Variants in IL4R observed in about 807,000 individuals in gnomAD.
IL4R encodes the protein interleukin 4 receptor, also known as interleukin-4 receptor subunit alpha.
IL4R carries 17 observed loss-of-function variants against 41.5 expected under a neutral mutation model. The observed-to-expected ratio is 0.41, with a 90% CI of 0.28 to 0.61. The LOEUF (loss-of-function observed/expected upper bound fraction) is 0.61. IL4R is among the 20% of genes least tolerant of loss of function. IL4R has a pLI of 0.31. For synonymous variants in IL4R, 402 were observed against 422.9 expected, an observed-to-expected ratio of 0.95 and a Z score of 0.61; for missense variants, 974 against 1,043.1, an observed-to-expected ratio of 0.93 and a Z score of 0.91.
chr16:27,317,541 T>A (rs534125805), intron 1 of IL4R, among the ~76,000 whole-genome samples: 1 of 152,310 alleles, frequency 6.6e-6, no homozygotes, highest in African/African-American at 2.4e-5. Flanking sequence ...TTGGTGAATG[T>A]GGATCGGAGC....
In IL4R at chr16:27,352,801, G is replaced by A. The variant is rs1015967570; in HGVS notation, c.670+105G>A. ...TCTCTGGGCTTTTATATCATAGGAT[G>A]CCTCTAATGGCAATCCTGCCATTAG... On this transcript the variant is annotated intron_variant, in intron 7 of 10. Coordinates refer to ENST00000395762, the MANE Select transcript of IL4R (RefSeq NM_000418.4). 3.2e-5 allele frequency: 37 copies of A among 1,140,384 alleles called. No homozygotes were observed. The Admixed American group carries it at 7.7e-4, about 24-fold the overall frequency. The allele number at this position is 1,140,384 out of a possible 1,614,324, so 70.6% of individuals were successfully genotyped here.
intron 4 of IL4R, among the ~76,000 whole-genome samples, chr16:27,344,307 A>G (rs945301776): frequency 1.3e-5 from 2 of 151,548 alleles, no homozygotes; most frequent in Non-Finnish European, 2.9e-5. Context: ...TGTCTCAGGA[A>G]AAAAAAACAA....
At chr16:27,335,348 A>G (rs2141109047) in intron 2 of IL4R, among the ~76,000 whole-genome samples, 1 of 152,244 alleles carries the variant, frequency 6.6e-6, no homozygotes, top group Admixed American at 6.5e-5. Flanking sequence ...TCATAGTAAA[A>G]TAGAGCTTTC....
chr16:27,324,986 A>T (rs538684688), intron 1 of IL4R, among the ~76,000 whole-genome samples: 1 of 152,048 alleles, frequency 6.6e-6, no homozygotes, highest in African/African-American at 2.4e-5. Context: ...AACAGGCTCA[A>T]ACCTGCCCCC....
intron 1 of IL4R, among the ~76,000 whole-genome samples, chr16:27,326,744 C>T (rs1293336135): frequency 6.6e-6 from 1 of 152,110 alleles, no homozygotes; most frequent in East Asian, 1.9e-4. Flanking sequence ...CACAGGGAGG[C>T]TGGTGGGTGC....
chr16:27,315,462 G>GGTGC (rs2084616090), intron 1 of IL4R: 1 of 152,488 alleles, frequency 6.6e-6, no homozygotes, highest in African/African-American at 2.4e-5. Context: ...GGGCTGGGAG[G>GGTGC]GTGCGGATGC....
At chr16:27,360,718 G>C (rs376794576) in intron 9 of IL4R, 48 bp from the exon 10 acceptor site, 3 of 1,613,290 alleles carry the variant, frequency 1.9e-6, no homozygotes, top group Non-Finnish European at 1.7e-6. Context: ...ACTCCAGGCC[G>C]GGCTGCAAGG....
At chr16:27,318,449 T>C (rs2084711311) in intron 1 of IL4R, among the ~76,000 whole-genome samples, 1 of 143,988 alleles carries the variant, frequency 6.9e-6, no homozygotes, top group South Asian at 2.2e-4. Flanking sequence ...TTGAGAGGGA[T>C]GAGGAAGAGA....
rs368404292 is a variant in IL4R at position 27,363,867 on chromosome 16, A to T, written c.*37A>T. 34 of 1,563,428 alleles carry T rather than the reference A, an allele frequency of 2.2e-5. No homozygotes were observed. In the African/African-American group the frequency reaches 4.3e-4, roughly 20 times the overall value. On this transcript the variant is annotated 3_prime_UTR_variant, in exon 11 of 11. Coordinates refer to ENST00000395762, the MANE Select transcript of IL4R (RefSeq NM_000418.4). ...CTTGTTGCTGAGTCTGCAGATGAGG[A>T]CTAGGGCTTATCCATGCCTGGGAAA...
At chr16:27,314,427 G>A (rs2141036396) in intron 1 of IL4R, among the ~76,000 whole-genome samples, 1 of 152,366 alleles carries the variant, frequency 6.6e-6, no homozygotes, top group African/African-American at 2.4e-5. Context: ...AAAGTTCTGA[G>A]AACTGTAAAT....
chr16:27,359,807 T>C (rs562373020), intron 9 of IL4R: 3 of 456,946 alleles, frequency 6.6e-6, no homozygotes, highest in Admixed American at 2.3e-5. Context: ...GTGCCATTTA[T>C]GTATCAGTTA....
chr16:27,362,954 C>T lies in IL4R; in HGVS notation c.1602C>T (p.Pro534=), dbSNP rs35660490. 4.6e-4 allele frequency: 746 copies of T among 1,614,168 alleles called. 1 individual carries two copies. Among genetic ancestry groups the T allele is most frequent in the Non-Finnish European group, 5.5e-4 (646 of 1,180,046 alleles). The part of the protein sequence containing the change: ...EEVEPEMPCV[P]QLSEPTTVPQ... ...TAGAACCCGAGATGCCCTGTGTCCCCCAGCTCTCTGAGCCAACCACTGTGC... is the reference window on the plus strand; with the variant it reads ...TAGAACCCGAGATGCCCTGTGTCCCTCAGCTCTCTGAGCCAACCACTGTGC... Residue 534 remains proline, a synonymous_variant, in exon 11 of 11, where the codon CCC becomes CCT. Coordinates refer to ENST00000395762, the MANE Select transcript of IL4R (RefSeq NM_000418.4).
intron 2 of IL4R, among the ~76,000 whole-genome samples, chr16:27,331,002 G>A (rs1343072747): frequency 6.6e-6 from 1 of 152,004 alleles, no homozygotes; most frequent in Non-Finnish European, 1.5e-5. Context: ...GTGATGTGGA[G>A]AAGAGGCAGG....
At chr16:27,360,166 C>T (rs758423959) in intron 9 of IL4R, among the ~76,000 whole-genome samples, 4 of 152,220 alleles carry the variant, frequency 2.6e-5, no homozygotes, top group Non-Finnish European at 4.4e-5. Context: ...AGGCATGTGC[C>T]ACCACGCCAG....
Position 27,322,702 on chromosome 16 carries a change from A to G in IL4R, c.-151-7364A>G, listed in dbSNP as rs145563604. On this transcript the variant is annotated intron_variant, in intron 1 of 10. Coordinates refer to ENST00000395762, the MANE Select transcript of IL4R (RefSeq NM_000418.4). ...TCCAGTCTAGGTGACAGAGTGAGAC[A>G]TTCTCAAAAAAACAAAAACAAAAAA... 4.1e-3 allele frequency among the ~76,000 whole-genome samples: 629 copies of G among 152,228 alleles called. 3 individuals carry two copies. Among genetic ancestry groups the G allele is most frequent in the African/African-American group, 0.014 (595 of 41,550 alleles).
intron 3 of IL4R, 50 bp from the exon 4 acceptor site, chr16:27,342,071 C>T: frequency 6.2e-7 from 1 of 1,600,618 alleles, no homozygotes; most frequent in African/African-American, 1.3e-5. Context: ...GCAAGTCCCC[C>T]TCACGCATTG....
rs1015453610 is a variant in IL4R, at chr16:27,364,721, A to C, written c.*891A>C. On this transcript the variant is annotated 3_prime_UTR_variant, in exon 11 of 11. Transcript: ENST00000395762. ...CATCACCTGTTATCTGTGTTTGCTG[A>C]GGAGAGTGGAACAGAAGGGGTGGAG... 3 of 152,216 alleles carry C rather than the reference A, an allele frequency of 2.0e-5. No individual in the cohort carries two copies. The highest frequency in any genetic ancestry group is 7.2e-5 in the African/African-American group (3 of 41,448). 9.4% of individuals were successfully genotyped at this position (152,216 alleles called of 1,614,324 possible).
intron 1 of IL4R, among the ~76,000 whole-genome samples, chr16:27,316,202 A>C (rs2084644351): frequency 6.6e-6 from 1 of 152,104 alleles, no homozygotes; most frequent in African/African-American, 2.4e-5. Context: ...TCCTGTTCCT[A>C]CAAAAAAAAT....
chr16:27,347,218 T>G (rs1180243659), intron 6 of IL4R, among the ~76,000 whole-genome samples: 1 of 152,094 alleles, frequency 6.6e-6, no homozygotes, highest in Non-Finnish European at 1.5e-5. Flanking sequence ...TGAGACAGAG[T>G]CTCACTCTGT....
Sources: allele counts gnomAD v4.1 joint callset (sites outside exome capture counted in the v4.1 genomes callset), GRCh38; gene constraint gnomAD v4.1.1; transcripts MANE v1.5; gene names NCBI Gene and HGNC (gene_info 2026-07-23, HGNC 2026-07-21).